Variants in PTPN14 observed in about 807,000 individuals in gnomAD.
The protein encoded by PTPN14 is tyrosine-protein phosphatase non-receptor type 14.
PTPN14 carries 53 observed loss-of-function variants against 126.8 expected under a neutral mutation model. The observed-to-expected ratio is 0.42, with a 90% CI of 0.34 to 0.53. The LOEUF is 0.53. PTPN14 is among the 20% of genes least tolerant of loss of function. The pLI is 0.08. For missense variants in PTPN14, 1,257 were observed against 1,552.9 expected, an observed-to-expected ratio of 0.81 and a Z score of 3.20; for synonymous variants, 630 against 599.3, an observed-to-expected ratio of 1.05 and a Z score of -0.75.
At chr1:214,462,275 A>G (rs1047252071) in intron 2 of PTPN14, among the ~76,000 whole-genome samples, 11 of 152,182 alleles carry the variant, frequency 7.2e-5, no homozygotes, top group Non-Finnish European at 8.8e-5. Context: ...GTGATAAGGT[A>G]GTTGTGGGAT....
Position 214,414,676 on chromosome 1 carries a change from C to G in PTPN14, c.395G>C (p.Arg132Pro). The change falls in exon 4 of 19, where the codon CGA becomes CCA. Residue 132 changes from arginine to proline, a missense_variant. Around this residue, in one of 3 missense-constraint regions of PTPN14, gnomAD observed 1,021 missense variants for 1,183.3 expected, o/e 0.86. Transcript: ENST00000366956. ...CCGAATCACCTGGTCCAATGTACAT[C>G]GTAATCGCCCTTCAAGCACATCTTT... The part of the protein sequence containing the change: ...VKKDVLEGRL[R>P]CTLDQVIRLA... 6.2e-7 allele frequency: 1 copy of G among 1,614,072 alleles called. No homozygotes were observed.
intron 1 of PTPN14, among the ~76,000 whole-genome samples, chr1:214,533,750 T>C (rs1320292368): frequency 6.7e-6 from 1 of 149,036 alleles, no homozygotes; most frequent in Non-Finnish European, 1.5e-5. Flanking sequence ...GGCGGGAGAA[T>C]GGCGTGAACC....
chr1:214,519,399 T>C (rs1035638172), intron 1 of PTPN14, among the ~76,000 whole-genome samples: 2 of 152,110 alleles, frequency 1.3e-5, no homozygotes, highest in Non-Finnish European at 2.9e-5. Context: ...CATCTCCAAC[T>C]AGAAGCACCT....
intron 3 of PTPN14, among the ~76,000 whole-genome samples, chr1:214,427,359 A>AC (rs1659691785): frequency 1.3e-5 from 2 of 151,980 alleles, no homozygotes; most frequent in Non-Finnish European, 2.9e-5. Flanking sequence ...TGAAACCAGC[A>AC]TAAAATGTAT....
At chr1:214,442,468 A>C (rs1256330352) in intron 3 of PTPN14, among the ~76,000 whole-genome samples, 1 of 152,214 alleles carries the variant, frequency 6.6e-6, no homozygotes, top group Admixed American at 6.5e-5. Flanking sequence ...TTGCTTTATA[A>C]AGCATCTCAA....
In PTPN14 at chr1:214,483,132, T is replaced by C. The variant is rs1276480350; in HGVS notation, c.-154-18175A>G. ...ACAAATACTTGAATGACATCTAAAA[T>C]GCCAAGTTCACTTTCTGAAGAATCT... On this transcript the variant is annotated intron_variant, in intron 1 of 18. Transcript: ENST00000366956. The C allele has an allele frequency of 5.0e-6, 8 of 1,608,778 alleles. No homozygotes were observed. The African/African-American group carries it at 9.4e-5, about 19-fold the overall frequency.
Position 214,350,533 on chromosome 1 carries a change from CTTTTTTTTTTTTTTTTT to C in PTPN14, c.*7372_*7388del, listed in dbSNP as rs146640564. 1.8e-5 allele frequency: 1 copy of C among 56,990 alleles called. No homozygotes were observed. The highest frequency in any genetic ancestry group is 3.1e-5 in the Non-Finnish European group (1 of 32,136). 3.5% of individuals were successfully genotyped at this position (56,990 alleles called of 1,614,324 possible). On this transcript the variant is annotated 3_prime_UTR_variant, in exon 19 of 19. Coordinates refer to ENST00000366956, the MANE Select transcript of PTPN14 (RefSeq NM_005401.5). ...TTCTGGTTATTTTCATCCGCCAGAT[CTTTTTTTTTTTTTTTTT>C]TTTTTTTTGAGACAAAGTCTCACTC...
chr1:214,501,245 ATTC>A (rs1654686715), intron 1 of PTPN14, among the ~76,000 whole-genome samples: 1 of 152,134 alleles, frequency 6.6e-6, no homozygotes, highest in Non-Finnish European at 1.5e-5. Flanking sequence ...CAGAGTAAGT[ATTC>A]TTTTTTTTTG....
rs1656107267 is a variant in PTPN14, at chr1:214,551,329, G to A, written c.-301C>T. 2 of 152,626 alleles carry A rather than the reference G, an allele frequency of 1.3e-5. No homozygotes were observed. Among genetic ancestry groups the A allele is most frequent in the Admixed American group, 6.5e-5 (1 of 15,298 alleles). The allele number at this position is 152,626 out of a possible 1,614,324, so 9.5% of individuals were successfully genotyped here. On this transcript the variant is annotated 5_prime_UTR_variant, in exon 1 of 19. Transcript: ENST00000366956. ...GAGCCGCAGGAGGCGAAAGGGGAGGGAGGTTTCCGCCGCGATCCCGGCGCG... is the reference window on the plus strand; with the variant it reads ...GAGCCGCAGGAGGCGAAAGGGGAGGAAGGTTTCCGCCGCGATCCCGGCGCG...
Position 214,549,227 on chromosome 1 carries a change from GT to G in PTPN14, c.-155+1955del, listed in dbSNP as rs531272035. ...AATACTACAACACCACTTCAGTCCA[GT>G]GAAGAGACACCCTTGAAAGGCAAAC... On this transcript the variant is annotated intron_variant, in intron 1 of 18. Transcript: ENST00000366956. Among the ~76,000 whole-genome samples, 7 of 152,300 alleles carry G rather than the reference GT, an allele frequency of 4.6e-5. No homozygotes were observed. In the South Asian group the frequency reaches 1.5e-3, roughly 32 times the overall value.
chr1:214,415,098 T>C (rs1398803914), intron 3 of PTPN14, among the ~76,000 whole-genome samples: 3 of 152,188 alleles, frequency 2.0e-5, no homozygotes, highest in Non-Finnish European at 4.4e-5. Context: ...ACAGTGTGCG[T>C]TCCTGAATGC....
chr1:214,525,987 A>T (rs1412227437), intron 1 of PTPN14, among the ~76,000 whole-genome samples: 1 of 143,618 alleles, frequency 7.0e-6, no homozygotes, highest in Non-Finnish European at 1.5e-5. Context: ...TTTTTTTAAG[A>T]CGGAGGCTTG....
At chr1:214,518,648 G>C (rs1160217201) in intron 1 of PTPN14, among the ~76,000 whole-genome samples, 2 of 152,130 alleles carry the variant, frequency 1.3e-5, no homozygotes, top group African/African-American at 4.8e-5. Flanking sequence ...AAATCCCACT[G>C]GGCAGATGGG....
chr1:214,376,126 G>T, intron 15 of PTPN14, 93 bp downstream of exon 15: 1 of 1,213,272 alleles, frequency 8.2e-7, no homozygotes. Context: ...AAGCCAAAAG[G>T]TACAACTGCA....
chr1:214,487,443 C>T (rs942121025), intron 1 of PTPN14, among the ~76,000 whole-genome samples: 4 of 152,006 alleles, frequency 2.6e-5, no homozygotes, highest in East Asian at 1.9e-4. Context: ...CTGGCCAACA[C>T]GGTGAAACCC....
rs1657732168 is a variant in PTPN14, at chr1:214,352,904, C to T, written c.*5018G>A. 1 of 152,180 alleles carries T rather than the reference C, an allele frequency of 6.6e-6. No homozygotes were observed. Among genetic ancestry groups the T allele is most frequent in the Non-Finnish European group, 1.5e-5 (1 of 68,034 alleles). The allele number at this position is 152,180 out of a possible 1,614,324, so 9.4% of individuals were successfully genotyped here. A position where few individuals can be genotyped will look rare whatever the true frequency, so the allele number is the denominator to read the frequency against. Reference sequence around the variant, plus strand: ...TAATTGTTGGTAAAACATGGGAATGCTCAATTCCCTAAAAGGGCTACCCTA... The same window carrying T: ...TAATTGTTGGTAAAACATGGGAATGTTCAATTCCCTAAAAGGGCTACCCTA... On this transcript the variant is annotated 3_prime_UTR_variant, in exon 19 of 19. Coordinates refer to ENST00000366956, the MANE Select transcript of PTPN14 (RefSeq NM_005401.5).
In PTPN14 at chr1:214,396,273, T is replaced by C. The variant is rs572071046; in HGVS notation, c.759-1287A>G. Among the ~76,000 whole-genome samples, 7 of 152,350 alleles carry C rather than the reference T, an allele frequency of 4.6e-5. No homozygotes were observed. In the South Asian group the frequency reaches 1.2e-3, roughly 27 times the overall value. On this transcript the variant is annotated intron_variant, in intron 8 of 18. Transcript: ENST00000366956. ...CCTGACTTAGCATGTTTACTCTCTA[T>C]GTCAAGGATGGATGAGCTCTTTACC... is the stretch of plus-strand genomic sequence containing the variant.
At chr1:214,385,141 C>T (rs1022331411) in intron 12 of PTPN14, among the ~76,000 whole-genome samples, 4 of 152,042 alleles carry the variant, frequency 2.6e-5, no homozygotes, top group African/African-American at 9.7e-5. Flanking sequence ...GTGCAGGGCT[C>T]GGCAATAGGA....
Position 214,477,044 on chromosome 1 carries a change from T to C in PTPN14, c.-154-12087A>G, listed in dbSNP as rs1660883021. On this transcript the variant is annotated intron_variant, in intron 1 of 18. Transcript: ENST00000366956. Reference sequence around the variant, plus strand: ...CTGTTCATCACTAAGAGAAAAAATATGAAACCAAAACATGCAACTACAGGT... The same window carrying C: ...CTGTTCATCACTAAGAGAAAAAATACGAAACCAAAACATGCAACTACAGGT... Among the ~76,000 whole-genome samples the C allele has an allele frequency of 2.0e-5, 3 of 152,146 alleles. No individual in the cohort carries two copies. In the South Asian group the frequency reaches 6.2e-4, roughly 31 times the overall value.
Sources: allele counts gnomAD v4.1 joint callset (sites outside exome capture counted in the v4.1 genomes callset), GRCh38; gene constraint gnomAD v4.1.1; regional missense constraint gnomAD v4.1.1; transcripts MANE v1.5; gene names NCBI Gene and HGNC (gene_info 2026-07-23, HGNC 2026-07-21).